Variants in DCAF8L2 observed in about 807,000 individuals in gnomAD.
DCAF8L2 encodes the protein DDB1- and CUL4-associated factor 8-like protein 2.
For missense variants in DCAF8L2, 430 were observed against 490.7 expected (o/e 0.88, Z 1.17); for synonymous variants, 200 against 190.9 (o/e 1.05, Z -0.39).
chrX:27,486,357 A>T, the DCAF8L2 span, among the ~76,000 whole-genome samples: 1 of 111,079 alleles, frequency 9.0e-6, no homozygotes, highest in Non-Finnish European at 1.9e-5. Flanking sequence ...CAAAAATAGG[A>T]TTTCAATATT....
At chrX:27,526,821 C>T in the DCAF8L2 span, among the ~76,000 whole-genome samples, 13 of 112,596 alleles carry the variant, frequency 1.2e-4, no homozygotes, top group Admixed American at 3.8e-4. Flanking sequence ...GTATCAGCAG[C>T]GGAAGCTGCA....
the DCAF8L2 span, among the ~76,000 whole-genome samples, chrX:27,573,910 G>T: frequency 9.2e-6 from 1 of 109,232 alleles, no homozygotes; most frequent in Non-Finnish European, 1.9e-5. Flanking sequence ...GTCCAGGCTG[G>T]TCTCAAATTA....
chrX:27,501,285 ATG>A, the DCAF8L2 span, among the ~76,000 whole-genome samples: 65 of 88,204 alleles, frequency 7.4e-4, no homozygotes, highest in Non-Finnish European at 7.0e-4. Flanking sequence ...GTGTGTGTGT[ATG>A]TGTGTGTGTG....
At chrX:27,655,960 AC>A (rs1438982172) in intron 2 of DCAF8L2, among the ~76,000 whole-genome samples, 5 of 111,011 alleles carry the variant, frequency 4.5e-5, no homozygotes, top group Non-Finnish European at 7.6e-5. Context: ...CTGTCTCCTG[AC>A]CCTACCCTTT....
At chrX:27,606,230 A>AATATATATATATAGGAATTATAT (rs1569157770) in intron 1 of DCAF8L2, among the ~76,000 whole-genome samples, 1 of 82,729 alleles carries the variant, frequency 1.2e-5, no homozygotes, top group African/African-American at 5.1e-5. Context: ...CCTAGATACA[A>AATATATATATATAGGAATTATAT]ATATATATAT....
chrX:27,517,842 G>A, the DCAF8L2 span: 10 of 1,072,261 alleles, frequency 9.3e-6, 1 homozygote, highest in Admixed American at 1.1e-4. Flanking sequence ...TACTTATCAC[G>A]GCCTGCTTTA....
intron 4 of DCAF8L2, among the ~76,000 whole-genome samples, chrX:27,740,421 T>G (rs1261626758): frequency 8.9e-6 from 1 of 112,104 alleles, no homozygotes; most frequent in African/African-American, 3.2e-5. Context: ...GCTGGTGTCA[T>G]CCTTTTAAAA....
the DCAF8L2 span, among the ~76,000 whole-genome samples, chrX:27,501,518 A>T: frequency 9.0e-6 from 1 of 111,493 alleles, no homozygotes; most frequent in Non-Finnish European, 1.9e-5. Context: ...CTGAGCTGAG[A>T]AAGAGAGTGC....
chrX:27,676,163 T>C (rs142335607), intron 2 of DCAF8L2, among the ~76,000 whole-genome samples: 1 of 111,370 alleles, frequency 9.0e-6, no homozygotes, highest in Non-Finnish European at 1.9e-5. Flanking sequence ...AATACCACAA[T>C]TGAGTACTCT....
intron 1 of DCAF8L2, among the ~76,000 whole-genome samples, chrX:27,592,091 G>C (rs1232656768): frequency 8.9e-6 from 1 of 112,713 alleles, no homozygotes; most frequent in East Asian, 2.8e-4. Flanking sequence ...GACCACCGTG[G>C]TGAGAGAGAA....
intron 3 of DCAF8L2, among the ~76,000 whole-genome samples, chrX:27,695,398 T>A (rs1930856672): frequency 8.9e-6 from 1 of 112,153 alleles, no homozygotes; most frequent in Non-Finnish European, 1.9e-5. Context: ...CAAAATAAGT[T>A]CTTATTCACT....
chrX:27,624,633 C>T (rs1180716142), intron 1 of DCAF8L2, among the ~76,000 whole-genome samples: 1 of 111,498 alleles, frequency 9.0e-6, no homozygotes, highest in Non-Finnish European at 1.9e-5. Context: ...ACCAAAACAA[C>T]ATGCTACTGG....
At chrX:27,593,385 A>C (rs1439128179) in intron 1 of DCAF8L2, among the ~76,000 whole-genome samples, 1 of 112,444 alleles carries the variant, frequency 8.9e-6, no homozygotes, top group Non-Finnish European at 1.9e-5. Context: ...CATGCATGTC[A>C]TAGCATGTGT....
intron 1 of DCAF8L2, among the ~76,000 whole-genome samples, chrX:27,621,860 G>A (rs1233401101): frequency 1.8e-5 from 2 of 110,243 alleles, no homozygotes; most frequent in East Asian, 5.8e-4. Context: ...CAGATGCGGT[G>A]TCAGATGCCT....
chrX:27,487,304 C>T, the DCAF8L2 span, among the ~76,000 whole-genome samples: 4 of 110,056 alleles, frequency 3.6e-5, no homozygotes, highest in East Asian at 2.8e-4. Context: ...GTTTTTGAGA[C>T]GGAGTCTTGC....
At chrX:27,492,945 A>G in the DCAF8L2 span, among the ~76,000 whole-genome samples, 1 of 112,116 alleles carries the variant, frequency 8.9e-6, no homozygotes, top group Non-Finnish European at 1.9e-5. Flanking sequence ...CTAAAATAAC[A>G]TTTAGGCCAG....
chrX:27,500,832 G>A, the DCAF8L2 span, among the ~76,000 whole-genome samples: 1 of 111,512 alleles, frequency 9.0e-6, no homozygotes, highest in East Asian at 2.8e-4. Flanking sequence ...AAGATTAATA[G>A]ACCAAATTAT....
chrX:27,729,455 AT>A (rs925594593), intron 4 of DCAF8L2, among the ~76,000 whole-genome samples: 4 of 111,024 alleles, frequency 3.6e-5, no homozygotes, highest in African/African-American at 6.5e-5. Context: ...CTGATCTTTA[AT>A]TTTTTTTTCC....
chrX:27,745,523 T>G (rs938096621), intron 4 of DCAF8L2, among the ~76,000 whole-genome samples: 2 of 112,389 alleles, frequency 1.8e-5, no homozygotes, highest in African/African-American at 6.5e-5. Flanking sequence ...GGCTTTTCAG[T>G]GGTTTTCAGT....
Sources: gnomAD v4.1 joint callset for allele counts (sites outside exome capture counted in the v4.1 genomes callset) on GRCh38, gnomAD v4.1.1 for gene constraint, MANE v1.5 for transcripts, NCBI Gene and HGNC (gene_info 2026-07-23, HGNC 2026-07-21) for gene names.